The following ITPKC variants were observed in gnomAD, a reference collection of about 807,000 sequenced individuals.
ITPKC encodes the protein IP3 3-kinase C.
In ITPKC, 33 loss-of-function variants were observed where a neutral mutation model predicts 67.1. That is an observed-to-expected ratio of 0.49 (90% CI 0.37 to 0.66). ITPKC has a LOEUF of 0.66. ITPKC is among the 30% of genes least tolerant of loss of function. ITPKC has a pLI of 0.00. For synonymous variants in ITPKC, 341 were observed against 359.8 expected, an observed-to-expected ratio of 0.95 and a Z score of 0.59; for missense variants, 820 against 892.1, an observed-to-expected ratio of 0.92 and a Z score of 1.03.
chr19:40,723,357 G>A (rs1223404369), intron 1 of ITPKC, among the ~76,000 whole-genome samples: 2 of 152,188 alleles, frequency 1.3e-5, no homozygotes, highest in African/African-American at 2.4e-5. Flanking sequence ...TGGTTTCCCA[G>A]TGTTGAGATT....
intron 1 of ITPKC, among the ~76,000 whole-genome samples, chr19:40,719,507 T>C (rs2082211395): frequency 6.6e-6 from 1 of 151,998 alleles, no homozygotes; most frequent in African/African-American, 2.4e-5. Context: ...TTTTTTTTTT[T>C]CTGAGACAGT....
intron 4 of ITPKC, among the ~76,000 whole-genome samples, 164 bp from the exon 5 acceptor site, chr19:40,736,822 C>T (rs1568452627): frequency 8.7e-6 from 1 of 115,300 alleles, no homozygotes; most frequent in African/African-American, 3.4e-5. Flanking sequence ...CATACTACCA[C>T]ACCAGAATTT....
At position 40,739,511 on chromosome 19, in the gene ITPKC, G is replaced by A. The variant is rs2082313352; in HGVS notation, c.2003G>A (p.Trp668Ter). 6.2e-7 allele frequency: 1 copy of A among 1,613,760 alleles called. No individual in the cohort carries two copies. The highest frequency in any genetic ancestry group is 8.5e-7 in the Non-Finnish European group (1 of 1,180,004). ...GGCAACCGTGAGGACGGCTACCTCT[G>A]GGGCCTGGACAACATGATCTGCCTC... The part of the protein sequence containing the change: ...AEGNREDGYL[W>*]GLDNMICLLQ... The change falls in exon 7 of 7, where the codon TGG (tryptophan) becomes TAG (stop). Residue 668 changes from tryptophan to a stop codon, truncating the protein, a stop_gained. Coordinates refer to ENST00000263370, the MANE Select transcript of ITPKC (RefSeq NM_025194.3). LOFTEE classifies it high-confidence loss of function.
intron 2 of ITPKC, among the ~76,000 whole-genome samples, chr19:40,728,051 A>G (rs988967499): frequency 1.3e-5 from 2 of 152,286 alleles, no homozygotes; most frequent in Admixed American, 1.3e-4. Flanking sequence ...TGGGTCTGAG[A>G]CCCACTGTGA....
At chr19:40,737,152 A>AAAGCAGAAGACCACTGACTCTG in intron 5 of ITPKC, 65 bp downstream of exon 5, 1 of 1,099,420 alleles carries the variant, frequency 9.1e-7, no homozygotes, top group Non-Finnish European at 1.4e-6. Flanking sequence ...TTCTTGCTCC[A>AAAGCAGAAGACCACTGACTCTG]GAGTCAGTGG....
chr19:40,727,795 A>G (rs575860445), intron 2 of ITPKC, among the ~76,000 whole-genome samples: 1 of 152,298 alleles, frequency 6.6e-6, no homozygotes, highest in East Asian at 1.9e-4. Flanking sequence ...CCCATATTTA[A>G]TGGGAGAGCA....
At chr19:40,721,175 C>A (rs1300431139) in intron 1 of ITPKC, among the ~76,000 whole-genome samples, 1 of 152,032 alleles carries the variant, frequency 6.6e-6, no homozygotes, top group Non-Finnish European at 1.5e-5. Flanking sequence ...AGCTCCCAGG[C>A]CCATGAAAGA....
chr19:40,734,781 G>GT (rs34843018), intron 4 of ITPKC, among the ~76,000 whole-genome samples: 1,281 of 114,860 alleles, frequency 0.011, 58 homozygotes, highest in East Asian at 0.034. Context: ...GCTAATTGTT[G>GT]TTTTTTTTTT....
Position 40,717,294 on chromosome 19 carries a change from G to A in ITPKC, c.159G>A (p.Pro53=), listed in dbSNP as rs779593732. 4.0e-6 allele frequency: 6 copies of A among 1,487,082 alleles called. No individual in the cohort carries two copies. The African/African-American group carries it at 4.3e-5, about 11-fold the overall frequency. 92.1% of individuals were successfully genotyped at this position (1,487,082 alleles called of 1,614,324 possible). ...GCGCAGGGGCCCCGGCGGGGCGGCC[G>A]GAGGGGGGCGGGCCCTGGGCCCGGA... ...GPGAGAPAGR[P]EGGGPWARTE... Residue 53 remains proline (P), a synonymous_variant, in exon 1 of 7, where the codon CCG becomes CCA. Coordinates refer to ENST00000263370, the MANE Select transcript of ITPKC (RefSeq NM_025194.3).
chr19:40,739,761 CAGGGGTTTTGGGGACCTGGAAGGA>C lies in ITPKC; in HGVS notation c.*205_*228del. On this transcript the variant is annotated 3_prime_UTR_variant, in exon 7 of 7. Transcript: ENST00000263370. Reference sequence around the variant, plus strand: ...GGTAGCACCTGGCCCCATCATGATGCAGGGGTTTTGGGGACCTGGAAGGAAGGTGATGAGGCAGTGAGTCAGAAA... The same window carrying C: ...GGTAGCACCTGGCCCCATCATGATGCAGGTGATGAGGCAGTGAGTCAGAAA... 1.7e-6 allele frequency: 1 copy of C among 583,886 alleles called. No homozygotes were observed. Among genetic ancestry groups the C allele is most frequent in the East Asian group, 2.9e-5 (1 of 34,992 alleles). 36.2% of individuals were successfully genotyped at this position (583,886 alleles called of 1,614,324 possible).
Position 40,739,527 on chromosome 19 carries a change from G to C in ITPKC, c.2019G>C (p.Met673Ile). 6.2e-7 allele frequency: 1 copy of C among 1,613,708 alleles called. No individual in the cohort carries two copies. ...GCTACCTCTGGGGCCTGGACAACAT[G>C]ATCTGCCTCCTGCAGGGGCTGGCAC... The part of the protein sequence containing the change: ...EDGYLWGLDN[M>I]ICLLQGLAQS Residue 673 changes from methionine (M) to isoleucine (I), a missense_variant, in exon 7 of 7, where the codon ATG becomes ATC. By Grantham distance (10) the Met-to-Ile change is conservative. This residue lies in a region of ITPKC where 339 missense variants were observed against 422.0 expected (regional missense o/e 0.80). Coordinates refer to ENST00000263370, the MANE Select transcript of ITPKC (RefSeq NM_025194.3).
rs142028901 is a variant in ITPKC at position 40,728,684 on chromosome 19, A to C, written c.1256-518A>C. ...GCTGGGAACAGGACTTGGTTTAAGC[A>C]ACAGAGAACAGAAATTCGCCCTTTC... On this transcript the variant is annotated intron_variant, in intron 2 of 6. Coordinates refer to ENST00000263370, the MANE Select transcript of ITPKC (RefSeq NM_025194.3). Among the ~76,000 whole-genome samples, 18 of 152,324 alleles carry C rather than the reference A, an allele frequency of 1.2e-4. No individual in the cohort carries two copies. In the East Asian group the frequency reaches 3.5e-3, roughly 29 times the overall value.
intron 3 of ITPKC, among the ~76,000 whole-genome samples, chr19:40,731,152 C>A (rs1261872819): frequency 6.6e-6 from 1 of 152,176 alleles, no homozygotes; most frequent in Non-Finnish European, 1.5e-5. Context: ...GGTCCCCAAC[C>A]CCTGGGCCGC....
chr19:40,718,388 C>T, intron 1 of ITPKC, 98 bp downstream of exon 1: 2 of 1,416,356 alleles, frequency 1.4e-6, no homozygotes, highest in Non-Finnish European at 1.9e-6. Flanking sequence ...CTGTTAGTTG[C>T]CCACCAGCAA....
rs2144726520 is a variant in ITPKC, at chr19:40,717,340, A to T, written c.205A>T (p.Ser69Cys). The T allele has an allele frequency of 6.2e-7, 1 of 1,607,578 alleles. No individual in the cohort carries two copies. Among genetic ancestry groups the T allele is most frequent in the East Asian group, 2.2e-5 (1 of 44,732 alleles). The change falls in exon 1 of 7, where the codon AGC (serine) becomes TGC (cysteine). Residue 69 changes from serine to cysteine, a missense_variant. Transcript: ENST00000263370. ...CCGGACAGAGGGGTCCAGCCTCCAC[A>T]GCGAGCCTGAGAGGGCCGGCCTCGG... Reference protein sequence around the residue: ...WARTEGSSLHSEPERAGLGPA... With the variant: ...WARTEGSSLHCEPERAGLGPA...
chr19:40,718,176 C>T lies in ITPKC; in HGVS notation c.1041C>T (p.Pro347=), dbSNP rs770608675. The change falls in exon 1 of 7, where the codon CCC becomes CCT. Residue 347 remains proline, a synonymous_variant. Transcript: ENST00000263370. ...CTGAGGCCCAGCCAGTGGGACCCCC[C>T]TCCCGGGTTGAGGGGGGCAGCGGCG... ...PEPEAQPVGP[P]SRVEGGSGGF... The T allele has an allele frequency of 6.3e-7, 1 of 1,589,230 alleles. No individual in the cohort carries two copies. Among genetic ancestry groups the T allele is most frequent in the Admixed American group, 1.7e-5 (1 of 58,310 alleles).
At chr19:40,729,926 G>C (rs1423163390) in intron 3 of ITPKC, among the ~76,000 whole-genome samples, 1 of 152,096 alleles carries the variant, frequency 6.6e-6, no homozygotes, top group African/African-American at 2.4e-5. Context: ...CCATTCCGAT[G>C]GGTTTGGAAT....
chr19:40,727,687 A>G (rs1404559818), intron 2 of ITPKC, among the ~76,000 whole-genome samples: 1 of 152,306 alleles, frequency 6.6e-6, no homozygotes, highest in East Asian at 1.9e-4. Context: ...TGGTGGCCTC[A>G]GAGTACTCAG....
chr19:40,738,829 T>C (rs143119536), intron 6 of ITPKC, among the ~76,000 whole-genome samples: 1 of 152,268 alleles, frequency 6.6e-6, no homozygotes, highest in East Asian at 1.9e-4. Context: ...AAACCCCCAG[T>C]GGATGCCGGA....
Sources: gnomAD v4.1 joint callset for allele counts (sites outside exome capture counted in the v4.1 genomes callset) on GRCh38, gnomAD v4.1.1 for gene constraint, gnomAD v4.1.1 regional missense constraint, MANE v1.5 for transcripts, NCBI Gene and HGNC (gene_info 2026-07-23, HGNC 2026-07-21) for gene names.